Variants in PRKD2 observed in about 807,000 individuals in gnomAD.
The protein encoded by PRKD2 is protein kinase D2.
Under a neutral mutation model 86.0 loss-of-function variants are expected in PRKD2, and 22 were observed. The observed-to-expected ratio is 0.26, with a 90% CI of 0.18 to 0.37. PRKD2 has a LOEUF of 0.37. Among genes scored for constraint, PRKD2 ranks in the 10% least tolerant of loss-of-function variants. PRKD2 has a pLI of 1.00. For synonymous variants in PRKD2, 509 were observed against 510.9 expected, an observed-to-expected ratio of 1.00 and a Z score of 0.05; for missense variants, 818 against 1,199.2, an observed-to-expected ratio of 0.68 and a Z score of 4.70.
At chr19:46,680,946 A>ATATATATATATATATATATATTTTTT in intron 15 of PRKD2, among the ~76,000 whole-genome samples, 14 of 48,224 alleles carry the variant, frequency 2.9e-4, no homozygotes, top group South Asian at 2.2e-3. Context: ...ATATATATAT[A>ATATATATATATATATATATATTTTTT]TTTTTTTTTT....
rs371434874 is a variant in PRKD2, at chr19:46,678,695, G to A, written c.2071-32C>T. On this transcript the variant is annotated intron_variant, in intron 15 of 17. Coordinates refer to ENST00000291281, the MANE Select transcript of PRKD2 (RefSeq NM_016457.5). This position sits in a 1 kb window ranked among gnomAD's most constrained non-coding sequence, Gnocchi z 5.7. ...AGGGCAAGGGATGGAGGCTCCACCAGGTGATGGAGCCGCACCCACCCCAGC... is the reference window on the plus strand; with the variant it reads ...AGGGCAAGGGATGGAGGCTCCACCAAGTGATGGAGCCGCACCCACCCCAGC... 33 of 1,587,594 alleles carry A rather than the reference G, an allele frequency of 2.1e-5. No individual in the cohort carries two copies. Among genetic ancestry groups the A allele is most frequent in the African/African-American group, 2.0e-4 (15 of 74,844 alleles).
At chr19:46,712,600 A>G (rs935010949) in intron 2 of PRKD2, among the ~76,000 whole-genome samples, 4 of 152,252 alleles carry the variant, frequency 2.6e-5, no homozygotes, top group African/African-American at 9.6e-5. Context: ...TAGGGGAGAG[A>G]CAACAATGAA....
chr19:46,675,958 T>C (rs1331239486), intron 16 of PRKD2, among the ~76,000 whole-genome samples: 1 of 149,416 alleles, frequency 6.7e-6, no homozygotes, highest in Non-Finnish European at 1.5e-5. Flanking sequence ...TTTGTAGAGA[T>C]ACATTGCCCA....
rs774325681 is a variant in PRKD2, at chr19:46,693,999, C to T, written c.1452G>A (p.Gly484=). The change falls in exon 10 of 18, where the codon GGG becomes GGA. Residue 484 remains glycine (G), a synonymous_variant. Transcript: ENST00000291281. This position sits in a 1 kb window ranked among gnomAD's most constrained non-coding sequence, Gnocchi z 4.5. ...ATYFVGEMPG[G]TPGGPSGQGA... ...CCTGCCCACTTGGCCCACCCGGAGTCCCGCCAGGCATCTCGCCCACGAAGT... is the reference window on the plus strand; with the variant it reads ...CCTGCCCACTTGGCCCACCCGGAGTTCCGCCAGGCATCTCGCCCACGAAGT... The T allele has an allele frequency of 4.3e-6, 7 of 1,613,832 alleles. No individual in the cohort carries two copies. In the South Asian group the frequency reaches 4.4e-5, roughly 10 times the overall value.
intron 5 of PRKD2, among the ~76,000 whole-genome samples, chr19:46,702,895 C>T (rs2053654840): frequency 6.6e-6 from 1 of 151,832 alleles, no homozygotes. Context: ...CACCATGTTG[C>T]CCAGGCTGGT....
intron 2 of PRKD2, among the ~76,000 whole-genome samples, chr19:46,711,852 G>C (rs2053813811): frequency 6.6e-6 from 1 of 150,922 alleles, no homozygotes; most frequent in Non-Finnish European, 1.5e-5. Context: ...CGGATCACTT[G>C]AGGTCAGAAG....
At chr19:46,710,826 G>A in intron 3 of PRKD2, 81 bp downstream of exon 3, 1 of 1,406,474 alleles carries the variant, frequency 7.1e-7, no homozygotes. Context: ...TCCCCACGCT[G>A]TCCCCGTGCC....
chr19:46,705,885 G>T (rs571870377), intron 3 of PRKD2, among the ~76,000 whole-genome samples: 1 of 152,080 alleles, frequency 6.6e-6, no homozygotes, highest in African/African-American at 2.4e-5. Flanking sequence ...GTAGAGACAG[G>T]ATCTCCCTGT....
intron 1 of PRKD2, among the ~76,000 whole-genome samples, chr19:46,715,816 G>A (rs1403646440): frequency 6.6e-6 from 1 of 151,826 alleles, no homozygotes; most frequent in Admixed American, 6.5e-5. Flanking sequence ...GAGGTCCGCC[G>A]ACATCTGCTG....
intron 8 of PRKD2, 85 bp downstream of exon 8, chr19:46,697,648 A>ACCCGCCTAGCTCCAGCCCCT: frequency 3.9e-6 from 5 of 1,269,696 alleles, no homozygotes; most frequent in Middle Eastern, 2.3e-4. Context: ...CTCCAGCCCC[A>ACCCGCCTAGCTCCAGCCCCT]CCCACCTAGC....
intron 9 of PRKD2, among the ~76,000 whole-genome samples, chr19:46,695,435 A>G (rs971847779): frequency 2.0e-5 from 3 of 152,220 alleles, no homozygotes; most frequent in Non-Finnish European, 4.4e-5. Context: ...GTGAGCCAAG[A>G]TCGCGCCACT....
Position 46,678,612 on chromosome 19 carries a change from G to A in PRKD2, c.2122C>T (p.Arg708Cys), listed in dbSNP as rs1218479922. The part of the protein sequence containing the change: ...FARIIGEKSF[R>C]RSVVGTPAYL... ...GCCGGCGTGCCCACCACTGAGCGGC[G>A]GAACGACTTCTCGCCGATGATGCGA... The change falls in exon 16 of 18, where the codon CGC (arginine) becomes TGC (cysteine). Residue 708 changes from arginine to cysteine, a missense_variant. Arg to Cys is a radical substitution (Grantham distance 180). This residue lies in a region of PRKD2 where 154 missense variants were observed against 359.6 expected (regional missense o/e 0.43). Transcript: ENST00000291281. The surrounding 1 kb of genome is among the most constrained non-coding windows in gnomAD (Gnocchi z 5.7). The A allele has an allele frequency of 2.5e-6, 4 of 1,612,236 alleles. No individual in the cohort carries two copies. The highest frequency in any genetic ancestry group is 1.3e-5 in the African/African-American group (1 of 75,066).
intron 5 of PRKD2, 40 bp downstream of exon 5, chr19:46,704,129 G>C (rs745623599): frequency 6.2e-7 from 1 of 1,611,500 alleles, no homozygotes; most frequent in South Asian, 1.1e-5. Flanking sequence ...CGGGAAGGAG[G>C]TTCTGACCCT....
At chr19:46,674,852 C>A in intron 17 of PRKD2, 117 bp from the exon 18 acceptor site, 1 of 1,239,662 alleles carries the variant, frequency 8.1e-7, no homozygotes, top group Non-Finnish European at 1.1e-6. Flanking sequence ...CCCTCTGCAA[C>A]CCACCCAGCC....
At position 46,716,919 on chromosome 19, in the gene PRKD2, C is replaced by T. The variant is rs2053888155; in HGVS notation, c.-549G>A. 1 of 149,138 alleles carries T rather than the reference C, an allele frequency of 6.7e-6. No individual in the cohort carries two copies. The highest frequency in any genetic ancestry group is 1.5e-5 in the Non-Finnish European group (1 of 67,704). The allele number at this position is 149,138 out of a possible 1,614,324, so 9.2% of individuals were successfully genotyped here. On this transcript the variant is annotated 5_prime_UTR_variant, in exon 1 of 18. Coordinates refer to ENST00000291281, the MANE Select transcript of PRKD2 (RefSeq NM_016457.5). The surrounding 1 kb of genome is among the most constrained non-coding windows in gnomAD (Gnocchi z 7.9). ...GGCCAGGGGATGGGCAGAGGGGTCC[C>T]GAGGGCCGGAGTGGGTAGAAGGGAA... is the stretch of plus-strand genomic sequence containing the variant.
At chr19:46,702,986 G>C (rs2053655857) in intron 5 of PRKD2, among the ~76,000 whole-genome samples, 1 of 152,120 alleles carries the variant, frequency 6.6e-6, no homozygotes, top group South Asian at 2.1e-4. Context: ...ACCACACCTG[G>C]CTGGATTCTA....
At position 46,710,995 on chromosome 19, in the gene PRKD2, G is replaced by C. The variant is rs539450090; in HGVS notation, c.423C>G (p.Leu141=). The C allele has an allele frequency of 2.0e-5, 32 of 1,580,154 alleles. No homozygotes were observed. In the African/African-American group the frequency reaches 4.2e-4, roughly 21 times the overall value. Reference sequence around the variant, plus strand: ...CAGGCGCCCGATAGGAGTGCACCGTGAGGGCGTGCGGGCGGATCTGGAAGT... The same window carrying C: ...CAGGCGCCCGATAGGAGTGCACCGTCAGGGCGTGCGGGCGGATCTGGAAGT... The part of the protein sequence containing the change: ...FEDFQIRPHA[L]TVHSYRAPAF... Residue 141 remains leucine, a synonymous_variant, in exon 3 of 18, where the codon CTC becomes CTG. Coordinates refer to ENST00000291281, the MANE Select transcript of PRKD2 (RefSeq NM_016457.5).
intron 16 of PRKD2, among the ~76,000 whole-genome samples, chr19:46,675,694 C>T (rs1362537153): frequency 1.3e-5 from 2 of 152,306 alleles, no homozygotes; most frequent in South Asian, 4.1e-4. Flanking sequence ...ATCCGCCTGC[C>T]TTGGCCTCCC....
At chr19:46,710,869 C>G (rs769956708) in intron 3 of PRKD2, 38 bp downstream of exon 3, 13 of 1,524,934 alleles carry the variant, frequency 8.5e-6, no homozygotes, top group Non-Finnish European at 1.2e-5. Context: ...GGTGCAGAGC[C>G]CCGCCCCAGG....
Sources: allele counts gnomAD v4.1 joint callset (sites outside exome capture counted in the v4.1 genomes callset), GRCh38; gene constraint gnomAD v4.1.1; regional missense constraint gnomAD v4.1.1; non-coding constraint Gnocchi (gnomAD v3.1); transcripts MANE v1.5; gene names NCBI Gene and HGNC (gene_info 2026-07-23, HGNC 2026-07-21).